Variants in MFSD8 observed in about 807,000 individuals in gnomAD.
The protein encoded by MFSD8 is major facilitator superfamily domain-containing protein 8.
In MFSD8, 55 loss-of-function variants were observed where a neutral mutation model predicts 66.4. The observed-to-expected ratio is 0.83, with a 90% CI of 0.67 to 1.04. The LOEUF is 1.04. Ranked by LOEUF, MFSD8 falls within the 50% of genes least tolerant of loss-of-function variation. MFSD8 has a pLI of 0.00. For missense variants in MFSD8, 550 were observed against 627.6 expected (o/e 0.88, Z 1.32); for synonymous variants, 202 against 212.8 (o/e 0.95, Z 0.44).
chr4:127,953,643 T>C (rs761538019), intron 2 of MFSD8, among the ~76,000 whole-genome samples: 27 of 135,882 alleles, frequency 2.0e-4, no homozygotes, highest in Non-Finnish European at 4.0e-4. Context: ...AACCTCTGCC[T>C]CCTGGGTTCA....
At chr4:127,964,070 A>C (rs2148999810) in intron 1 of MFSD8, among the ~76,000 whole-genome samples, 1 of 152,286 alleles carries the variant, frequency 6.6e-6, no homozygotes, top group Admixed American at 6.5e-5. Flanking sequence ...GTGTTTACAA[A>C]CCTTGAGCTA....
chr4:127,931,953 A>G (rs779123226), intron 8 of MFSD8, among the ~76,000 whole-genome samples: 22 of 152,126 alleles, frequency 1.4e-4, no homozygotes, highest in Non-Finnish European at 2.4e-4. Flanking sequence ...TACAAAAAAT[A>G]TAAACAAATT....
chr4:127,922,054 C>G, intron 9 of MFSD8, 91 bp from the exon 10 acceptor site: 1 of 1,178,754 alleles, frequency 8.5e-7, no homozygotes, highest in Non-Finnish European at 1.2e-6. Context: ...AAAATAATAT[C>G]TTGTACTTTT....
chr4:127,957,915 T>C (rs975574394), intron 1 of MFSD8, among the ~76,000 whole-genome samples: 1 of 152,124 alleles, frequency 6.6e-6, no homozygotes, highest in Admixed American at 6.6e-5. Flanking sequence ...AATGAATAAA[T>C]TACGTCAAGA....
chr4:127,947,386 T>A (rs557963687), intron 3 of MFSD8, among the ~76,000 whole-genome samples: 24 of 152,140 alleles, frequency 1.6e-4, no homozygotes, highest in Non-Finnish European at 2.6e-4. Context: ...GAGATCAGCC[T>A]GGCCGGTATG....
chr4:127,931,647 G>A (rs1044943799), intron 8 of MFSD8, among the ~76,000 whole-genome samples: 9 of 152,172 alleles, frequency 5.9e-5, no homozygotes, highest in South Asian at 2.1e-4. Flanking sequence ...GTGAGCCACC[G>A]CACCCAGTCT....
chr4:127,946,934 T>TAA (rs567550563), intron 3 of MFSD8, among the ~76,000 whole-genome samples: 63 of 140,014 alleles, frequency 4.5e-4, no homozygotes, highest in African/African-American at 1.5e-3. Context: ...CCACAAAAAT[T>TAA]AAAAAAAAAA....
At chr4:127,938,591 A>T (rs928616572) in intron 7 of MFSD8, among the ~76,000 whole-genome samples, 192 bp downstream of exon 7, 5 of 138,270 alleles carry the variant, frequency 3.6e-5, no homozygotes, top group Non-Finnish European at 7.5e-5. Flanking sequence ...TCAAAAAAAA[A>T]AAAATAAATA....
At position 127,965,054 on chromosome 4, in the gene MFSD8, C is replaced by G; in HGVS notation, c.62+18G>C. On this transcript the variant is annotated intron_variant, in intron 1 of 11. Coordinates refer to ENST00000641686, the MANE Select transcript of MFSD8 (RefSeq NM_001371596.2). The stretch of plus-strand genomic sequence containing the variant: ...CAGCGCAGGAGACTGAGGGGTCCCT[C>G]CACCAGGATCCGCTCACCTGCTTCC... 1.2e-6 allele frequency: 2 copies of G among 1,612,718 alleles called. No homozygotes were observed. The highest frequency in any genetic ancestry group is 2.2e-5 in the South Asian group (2 of 90,736).
intron 3 of MFSD8, among the ~76,000 whole-genome samples, chr4:127,948,297 T>A (rs567502331): frequency 6.6e-6 from 1 of 152,204 alleles, no homozygotes; most frequent in African/African-American, 2.4e-5. Flanking sequence ...GGCAGCCTCC[T>A]AATAAATAGA....
Position 127,921,557 on chromosome 4 carries a change from A to T in MFSD8, c.1317T>A (p.Thr439=). Residue 439 remains threonine (T), a synonymous_variant, in exon 11 of 12, where the codon ACT becomes ACA. Coordinates refer to ENST00000641686, the MANE Select transcript of MFSD8 (RefSeq NM_001371596.2). ...GYPVCNLMSY[T]LYSKILGPKP... ...TTGGTCCTAGAATTTTTGAATATAG[A>T]GTATAGGACATAAGATTGCAGACTG... 6.2e-7 allele frequency: 1 copy of T among 1,614,198 alleles called. No individual in the cohort carries two copies. Among genetic ancestry groups the T allele is most frequent in the South Asian group, 1.1e-5 (1 of 91,086 alleles).
intron 9 of MFSD8, among the ~76,000 whole-genome samples, chr4:127,926,243 G>T (rs1471637506): frequency 5.2e-5 from 2 of 38,272 alleles, no homozygotes; most frequent in African/African-American, 1.9e-4. Flanking sequence ...GGGTGTGGTG[G>T]CTCACGCCTG....
Position 127,920,641 on chromosome 4 carries a change from T to A in MFSD8, c.1546A>T (p.Ile516Phe). The A allele has an allele frequency of 6.2e-7, 1 of 1,613,992 alleles. No homozygotes were observed. The highest frequency in any genetic ancestry group is 8.5e-7 in the Non-Finnish European group (1 of 1,179,994). The change falls in exon 12 of 12, where the codon ATT (isoleucine) becomes TTT (phenylalanine). Residue 516 changes from isoleucine (I) to phenylalanine (F), a missense_variant. By Grantham distance (21) the Ile-to-Phe change is conservative. Coordinates refer to ENST00000641686, the MANE Select transcript of MFSD8 (RefSeq NM_001371596.2). ...LIALSVRYGR[I>F]QE Reference sequence around the variant, plus strand: ...CAGTCTTAGCTAGTTTATTCCTGAATCCTCCCATATCTTACAGAAAGAGCA... The same window carrying A: ...CAGTCTTAGCTAGTTTATTCCTGAAACCTCCCATATCTTACAGAAAGAGCA...
At chr4:127,963,481 G>A (rs1321577755) in intron 1 of MFSD8, among the ~76,000 whole-genome samples, 1 of 152,192 alleles carries the variant, frequency 6.6e-6, no homozygotes, top group Non-Finnish European at 1.5e-5. Flanking sequence ...CACGTCTGGA[G>A]TTTGTTCCTT....
intron 3 of MFSD8, among the ~76,000 whole-genome samples, chr4:127,944,725 A>G (rs2148925517): frequency 6.6e-6 from 1 of 152,164 alleles, no homozygotes; most frequent in Non-Finnish European, 1.5e-5. Context: ...CAGTGGTCCG[A>G]TCACGGCTCA....
intron 7 of MFSD8, among the ~76,000 whole-genome samples, chr4:127,937,104 A>G (rs1422589301): frequency 6.6e-6 from 1 of 152,152 alleles, no homozygotes; most frequent in African/African-American, 2.4e-5. Context: ...CAGATTCAAC[A>G]ATCTTTTGCC....
intron 7 of MFSD8, chr4:127,934,413 G>A (rs1738682259): frequency 1.3e-5 from 2 of 151,928 alleles, no homozygotes; most frequent in South Asian, 2.1e-4. Flanking sequence ...CTTGAACAAC[G>A]CCTTAAGGTT....
At chr4:127,923,191 T>TC (rs1736598999) in intron 9 of MFSD8, among the ~76,000 whole-genome samples, 1 of 152,198 alleles carries the variant, frequency 6.6e-6, no homozygotes, top group Non-Finnish European at 1.5e-5. Context: ...AGAGAGGGTA[T>TC]CCTTGTCTTG....
intron 7 of MFSD8, among the ~76,000 whole-genome samples, chr4:127,938,260 C>T (rs552850346): frequency 9.2e-5 from 14 of 152,138 alleles, no homozygotes; most frequent in Admixed American, 2.6e-4. Flanking sequence ...GTAACCTTGT[C>T]AATCATGACC....
Sources: gnomAD v4.1 joint callset for allele counts (sites outside exome capture counted in the v4.1 genomes callset) on GRCh38, gnomAD v4.1.1 for gene constraint, MANE v1.5 for transcripts, NCBI Gene and HGNC (gene_info 2026-07-23, HGNC 2026-07-21) for gene names.